Variants in PAPPA2 observed in about 807,000 individuals in gnomAD.
PAPPA2 encodes pappalysin 2, also known as pappalysin-2.
In PAPPA2, 86 loss-of-function variants were observed where a neutral mutation model predicts 176.4. The observed-to-expected ratio is 0.49, with a 90% CI of 0.41 to 0.58. PAPPA2 has a LOEUF of 0.58. Ranked by LOEUF, PAPPA2 falls within the 20% of genes least tolerant of loss-of-function variation. The pLI, the probability that PAPPA2 is intolerant of heterozygous loss-of-function variation, is 0.00. For synonymous variants in PAPPA2, 809 were observed against 852.2 expected (o/e 0.95, Z 0.88); for missense variants, 2,073 against 2,256.9 (o/e 0.92, Z 1.65).
chr1:176,679,369 G>C (rs1451254721), intron 4 of PAPPA2, among the ~76,000 whole-genome samples: 2 of 151,952 alleles, frequency 1.3e-5, no homozygotes, highest in Non-Finnish European at 2.9e-5. Context: ...TACTTAACAG[G>C]TGTCTCATCT....
At chr1:176,540,911 C>T (rs1650328734) in intron 1 of PAPPA2, among the ~76,000 whole-genome samples, 1 of 152,242 alleles carries the variant, frequency 6.6e-6, no homozygotes, top group South Asian at 2.1e-4. Flanking sequence ...TTCTCAAATC[C>T]TATGTTGATC....
At chr1:176,677,153 A>G (rs1031642037) in intron 4 of PAPPA2, among the ~76,000 whole-genome samples, 1 of 152,164 alleles carries the variant, frequency 6.6e-6, no homozygotes, top group Non-Finnish European at 1.5e-5. Flanking sequence ...GTATTGACTA[A>G]AATCAGGTGT....
chr1:176,785,143 C>A (rs1310317468), intron 17 of PAPPA2, among the ~76,000 whole-genome samples: 1 of 152,090 alleles, frequency 6.6e-6, no homozygotes, highest in Non-Finnish European at 1.5e-5. Context: ...TCTTCAAGGG[C>A]CCTATGGGGA....
intron 14 of PAPPA2, among the ~76,000 whole-genome samples, chr1:176,759,386 G>C (rs184818451): frequency 3.9e-5 from 6 of 152,238 alleles, no homozygotes; most frequent in Admixed American, 3.9e-4. Context: ...GTTTTAATGA[G>C]CTCTGGTTCC....
intron 2 of PAPPA2, 131 bp downstream of exon 2, chr1:176,557,372 G>A: frequency 9.6e-7 from 1 of 1,037,694 alleles, no homozygotes; most frequent in Admixed American, 2.9e-5. Context: ...GCCAGGGAGA[G>A]GGGGAAGGGC....
intron 17 of PAPPA2, among the ~76,000 whole-genome samples, chr1:176,773,041 G>A (rs1281809570): frequency 6.6e-6 from 1 of 151,998 alleles, no homozygotes; most frequent in Non-Finnish European, 1.5e-5. Context: ...GAAAAAACGA[G>A]GCCTCCACCC....
chr1:176,685,050 A>T (rs1417031916), intron 4 of PAPPA2, among the ~76,000 whole-genome samples: 1 of 150,292 alleles, frequency 6.7e-6, no homozygotes, highest in Non-Finnish European at 1.5e-5. Context: ...TCACTCTGGG[A>T]GGTCTGTCCA....
intron 1 of PAPPA2, among the ~76,000 whole-genome samples, chr1:176,485,601 A>G (rs1415058009): frequency 6.6e-6 from 1 of 152,010 alleles, no homozygotes; most frequent in African/African-American, 2.4e-5. Context: ...TTATATATAT[A>G]TAGTTTATTA....
intron 1 of PAPPA2, among the ~76,000 whole-genome samples, chr1:176,513,634 C>T (rs1158375977): frequency 6.6e-6 from 1 of 152,152 alleles, no homozygotes; most frequent in African/African-American, 2.4e-5. Context: ...ATCTCTCATT[C>T]CACAAATTTT....
intron 2 of PAPPA2, among the ~76,000 whole-genome samples, chr1:176,564,496 C>T (rs1189495809): frequency 3.3e-5 from 5 of 152,174 alleles, no homozygotes; most frequent in African/African-American, 1.2e-4. Context: ...TTCTCATGAG[C>T]AGTAGTTTGC....
At chr1:176,772,242 G>A (rs547078062) in intron 17 of PAPPA2, among the ~76,000 whole-genome samples, 47 of 152,232 alleles carry the variant, frequency 3.1e-4, no homozygotes, top group South Asian at 8.3e-4. Context: ...TTTCTCTACC[G>A]TAAATTATGT....
At chr1:176,757,645 C>T (rs1335025350) in intron 14 of PAPPA2, among the ~76,000 whole-genome samples, 3 of 152,130 alleles carry the variant, frequency 2.0e-5, no homozygotes, top group Non-Finnish European at 2.9e-5. Flanking sequence ...TGCTTCCATT[C>T]TGTAGGTTGC....
At chr1:176,584,610 A>C (rs1451356442) in intron 2 of PAPPA2, among the ~76,000 whole-genome samples, 1 of 151,958 alleles carries the variant, frequency 6.6e-6, no homozygotes, top group African/African-American at 2.4e-5. Context: ...TAGTTGGGGA[A>C]TTTAGTTCAT....
chr1:176,727,852 G>A (rs1350449659), intron 12 of PAPPA2, among the ~76,000 whole-genome samples: 1 of 151,976 alleles, frequency 6.6e-6, no homozygotes. Context: ...AGACAAATTA[G>A]TAGCAAGATA....
At chr1:176,813,453 T>C (rs1666255193) in intron 21 of PAPPA2, among the ~76,000 whole-genome samples, 1 of 152,200 alleles carries the variant, frequency 6.6e-6, no homozygotes, top group South Asian at 2.1e-4. Context: ...CAGCATCTAT[T>C]GTTTCTTTAC....
intron 22 of PAPPA2, 51 bp downstream of exon 22, chr1:176,840,322 G>A (rs1225146748): frequency 4.9e-6 from 7 of 1,429,898 alleles, no homozygotes; most frequent in Non-Finnish European, 6.9e-6. Context: ...AGGAATAAAG[G>A]CAGGGTCTTC....
intron 17 of PAPPA2, among the ~76,000 whole-genome samples, chr1:176,781,253 A>T (rs1428042891): frequency 1.3e-5 from 2 of 151,656 alleles, no homozygotes; most frequent in Admixed American, 1.3e-4. Context: ...CAAAGATAAA[A>T]GTGAGGGGCG....
chr1:176,701,432 A>G (rs1660647680), intron 8 of PAPPA2, among the ~76,000 whole-genome samples: 1 of 152,150 alleles, frequency 6.6e-6, no homozygotes, highest in African/African-American at 2.4e-5. Flanking sequence ...AGGATATAAA[A>G]TTGGTTTTAC....
At chr1:176,611,681 C>T (rs924215088) in intron 3 of PAPPA2, among the ~76,000 whole-genome samples, 2 of 152,140 alleles carry the variant, frequency 1.3e-5, no homozygotes, top group Non-Finnish European at 2.9e-5. Flanking sequence ...GTAACCTCTC[C>T]TATCTGTAGC....
Sources: gnomAD v4.1 joint callset for allele counts (sites outside exome capture counted in the v4.1 genomes callset) on GRCh38, gnomAD v4.1.1 for gene constraint, MANE v1.5 for transcripts, NCBI Gene and HGNC (gene_info 2026-07-23, HGNC 2026-07-21) for gene names.